Variants in C11orf65 observed in about 807,000 individuals in gnomAD.
C11orf65 encodes chromosome 11 open reading frame 65.
A neutral mutation model predicts 35.3 loss-of-function variants in C11orf65; 38 were observed. The observed-to-expected ratio is 1.08, with a 90% CI of 0.83 to 1.41. The LOEUF (loss-of-function observed/expected upper bound fraction) is 1.41, where lower values mean the gene tolerates loss of function less well. Among genes scored for constraint, C11orf65 ranks in the 40% most tolerant of loss-of-function variants. The pLI is 0.00. For synonymous variants in C11orf65, 105 were observed against 114.4 expected, an observed-to-expected ratio of 0.92 and a Z score of 0.53; for missense variants, 370 against 367.1, an observed-to-expected ratio of 1.01 and a Z score of -0.06.
chr11:108,437,707 TAAAAAAAAAAAAAAA>T (rs145337876), intron 2 of C11orf65, among the ~76,000 whole-genome samples: 8,335 of 38,690 alleles, frequency 0.22, 491 homozygotes, highest in Middle Eastern at 0.34. Flanking sequence ...GACTCAGTCT[TAAAAAAAAAAAAAAA>T]AAAAAAAAAA....
chr11:108,329,890 T>C (rs1237228745), downstream of C11orf65, among the ~76,000 whole-genome samples: 1 of 152,248 alleles, frequency 6.6e-6, no homozygotes, highest in Non-Finnish European at 1.5e-5. Flanking sequence ...ATATTGAAAT[T>C]AATTACAAAA....
At chr11:108,426,630 T>C (rs551888675) in intron 3 of C11orf65, among the ~76,000 whole-genome samples, 4 of 151,918 alleles carry the variant, frequency 2.6e-5, no homozygotes, top group Admixed American at 2.6e-4. Context: ...ACTTTCCTCA[T>C]AGAATTAGAA....
chr11:108,315,798 A>G (rs745654265), intron 6 of C11orf65: 4 of 1,582,490 alleles, frequency 2.5e-6, no homozygotes, highest in African/African-American at 1.3e-5. Context: ...TCCTTCTTCA[A>G]TTTTTGTTGT....
intron 2 of C11orf65, among the ~76,000 whole-genome samples, chr11:108,455,427 G>A (rs2093399765): frequency 6.6e-6 from 1 of 152,094 alleles, no homozygotes; most frequent in South Asian, 2.1e-4. Context: ...AATCAATGGT[G>A]TTTCTATAAA....
At chr11:108,334,792 GTAGT>G (rs1434966603) in intron 3 of C11orf65, among the ~76,000 whole-genome samples, 2 of 152,186 alleles carry the variant, frequency 1.3e-5, no homozygotes, top group African/African-American at 2.4e-5. Context: ...TGATGAAACA[GTAGT>G]TAAAGTTACG....
rs559274042 is a variant in C11orf65 at position 108,377,411 on chromosome 11, C to T, written c.226+15797G>A. 3.4e-4 allele frequency among the ~76,000 whole-genome samples: 52 copies of T among 152,208 alleles called. 1 individual carries two copies. In the East Asian group the frequency reaches 6.2e-3, roughly 18 times the overall value. The stretch of plus-strand genomic sequence containing the variant: ...ATTATCTCAATAGATGCAGAAAAGG[C>T]CTTGGACAAAATTCAACAACCCTTC... On this transcript the variant is annotated intron_variant, in intron 2 of 3. Coordinates refer to the C11orf65 transcript ENST00000524755.
At chr11:108,331,617 TATATAAAGTATATATACC>T (rs777896123) in intron 3 of C11orf65, 155 of 1,401,282 alleles carry the variant, frequency 1.1e-4, no homozygotes, top group Non-Finnish European at 1.4e-4. Flanking sequence ...TACTATATAT[TATATAAAGTATATATACC>T]ATTCCCTCTA....
chr11:108,423,370 G>C (rs949837089), intron 3 of C11orf65, among the ~76,000 whole-genome samples: 1 of 152,148 alleles, frequency 6.6e-6, no homozygotes, highest in Non-Finnish European at 1.5e-5. Context: ...GTCTGAAATC[G>C]ACCTGGGACA....
rs1555127125 is a variant in C11orf65, at chr11:108,335,014, T to C, written c.299+206A>G. 1 of 1,613,950 alleles carries C rather than the reference T, an allele frequency of 6.2e-7. No homozygotes were observed. Among genetic ancestry groups the C allele is most frequent in the Non-Finnish European group, 8.5e-7 (1 of 1,179,832 alleles). ...TGGAAATCTGGTGACTATACAGTCA[T>C]TTAAAGCAGAATTTCGCTTAGCAGG... On this transcript the variant is annotated intron_variant, in intron 3 of 3. Coordinates refer to the C11orf65 transcript ENST00000524755.
At chr11:108,319,152 A>G (rs550863953) in intron 6 of C11orf65, among the ~76,000 whole-genome samples, 67 of 152,184 alleles carry the variant, frequency 4.4e-4, no homozygotes, top group Non-Finnish European at 8.7e-4. Context: ...ACTCCATCCT[A>G]GGCAACAGAG....
At chr11:108,413,002 T>C (rs570396896) in intron 3 of C11orf65, among the ~76,000 whole-genome samples, 10 of 152,296 alleles carry the variant, frequency 6.6e-5, no homozygotes, top group Non-Finnish European at 1.2e-4. Flanking sequence ...CTATCAGTAA[T>C]TGACAGATTC....
At chr11:108,312,798 T>G (rs1326817808) in intron 6 of C11orf65, among the ~76,000 whole-genome samples, 1 of 152,180 alleles carries the variant, frequency 6.6e-6, no homozygotes. Context: ...TTTATAGCAC[T>G]TAGGGTTTAT....
At chr11:108,362,288 G>T (rs1324037296) in intron 2 of C11orf65, among the ~76,000 whole-genome samples, 1 of 150,636 alleles carries the variant, frequency 6.6e-6, no homozygotes, top group Non-Finnish European at 1.5e-5. Flanking sequence ...TCATTAAAAA[G>T]TCAGGAAACA....
intron 2 of C11orf65, chr11:108,347,175 A>G: frequency 1.1e-6 from 1 of 909,214 alleles, no homozygotes; most frequent in Non-Finnish European, 1.8e-6. Context: ...ATCCTAAACT[A>G]CTTAAAGATT....
chr11:108,421,357 A>G (rs878981296), intron 3 of C11orf65, among the ~76,000 whole-genome samples: 1 of 152,124 alleles, frequency 6.6e-6, no homozygotes, highest in Non-Finnish European at 1.5e-5. Context: ...TGCCAGACAA[A>G]TCAAAATACA....
At chr11:108,376,657 CA>C in intron 2 of C11orf65, among the ~76,000 whole-genome samples, 1 of 151,910 alleles carries the variant, frequency 6.6e-6, no homozygotes, top group South Asian at 2.1e-4. Context: ...AATAGAGACA[CA>C]AAAAACCGTT....
At chr11:108,403,544 G>A (rs2092482480) in intron 6 of C11orf65, among the ~76,000 whole-genome samples, 1 of 147,834 alleles carries the variant, frequency 6.8e-6, no homozygotes, top group Non-Finnish European at 1.5e-5. Context: ...TTCTTTTATA[G>A]TTCCTGACTT....
intron 2 of C11orf65, among the ~76,000 whole-genome samples, chr11:108,447,586 C>T (rs913488410): frequency 1.6e-4 from 25 of 152,124 alleles, no homozygotes; most frequent in African/African-American, 5.1e-4. Flanking sequence ...TTGAAACCAA[C>T]GAGAACAAAG....
At chr11:108,343,452 A>C (rs1029372168) in intron 2 of C11orf65, 2 of 1,543,210 alleles carry the variant, frequency 1.3e-6, no homozygotes, top group African/African-American at 2.8e-5. Context: ...ATATTATAGA[A>C]TACAAAAAAA....
Sources: allele counts gnomAD v4.1 joint callset (sites outside exome capture counted in the v4.1 genomes callset), GRCh38; gene constraint gnomAD v4.1.1; transcripts MANE v1.5; gene names NCBI Gene and HGNC (gene_info 2026-07-23, HGNC 2026-07-21).